CCDC93: variants seen among roughly 807,000 people sequenced by gnomAD.
The protein encoded by CCDC93 is CCC complex scaffolding subunit CCDC93.
A neutral mutation model predicts 108.2 loss-of-function variants in CCDC93; 61 were observed. The observed-to-expected ratio is 0.56, with a 90% CI of 0.46 to 0.70. The LOEUF is 0.70. Ranked by LOEUF, CCDC93 falls within the 30% of genes least tolerant of loss-of-function variation. The pLI, the probability that CCDC93 is intolerant of heterozygous loss-of-function variation, is 0.00. For missense variants in CCDC93, 685 were observed against 764.2 expected (o/e 0.90, Z 1.22); for synonymous variants, 276 against 260.4 (o/e 1.06, Z -0.58).
chr2:117,961,472 T>G (rs1679388143), intron 11 of CCDC93, among the ~76,000 whole-genome samples: 1 of 152,220 alleles, frequency 6.6e-6, no homozygotes, highest in Non-Finnish European at 1.5e-5. Context: ...CTGCTTTGTT[T>G]AATGGGAAGT....
At position 117,920,295 on chromosome 2, in the gene CCDC93, C is replaced by T. The variant is rs762393151; in HGVS notation, c.*48G>A. ...ATTTCATGATCTTGTAGGTGATATA[C>T]GGTGCTTAAAAGTAAAATCAATGAC... On this transcript the variant is annotated 3_prime_UTR_variant, in exon 24 of 24. Transcript: ENST00000376300. 71 of 1,323,346 alleles carry T rather than the reference C, an allele frequency of 5.4e-5. No individual in the cohort carries two copies. The highest frequency in any genetic ancestry group is 6.9e-5 in the East Asian group (3 of 43,166). The allele number at this position is 1,323,346 out of a possible 1,614,324, so 82.0% of individuals were successfully genotyped here. A position where few individuals can be genotyped will look rare whatever the true frequency, so the allele number is the denominator to read the frequency against.
chr2:117,924,739 G>C (rs1183748182), intron 23 of CCDC93, among the ~76,000 whole-genome samples: 1 of 152,156 alleles, frequency 6.6e-6, no homozygotes, highest in East Asian at 1.9e-4. Context: ...CCTCAATCTA[G>C]CAAGGCAGGC....
At chr2:118,008,739 C>G in intron 1 of CCDC93, 81 bp from the exon 2 acceptor site, 1 of 828,292 alleles carries the variant, frequency 1.2e-6, no homozygotes, top group South Asian at 1.5e-5. Flanking sequence ...ATGCCACAAG[C>G]TCATTGCCAA....
At chr2:117,929,983 G>A (rs1416375515) in intron 23 of CCDC93, among the ~76,000 whole-genome samples, 2 of 152,228 alleles carry the variant, frequency 1.3e-5, no homozygotes, top group Non-Finnish European at 2.9e-5. Context: ...CACAGCGTAT[G>A]CTCCTTAAGG....
intron 3 of CCDC93, among the ~76,000 whole-genome samples, chr2:118,006,514 A>G (rs1676873736): frequency 6.6e-6 from 1 of 152,214 alleles, no homozygotes; most frequent in Non-Finnish European, 1.5e-5. Flanking sequence ...TTTGAAAGAT[A>G]AACTAAGTAG....
In CCDC93 at chr2:117,986,160, C is replaced by T. The variant is rs375507699; in HGVS notation, c.520-91G>A. 2.8e-3 allele frequency: 771 copies of T among 276,074 alleles called. 1 individual carries two copies. Among genetic ancestry groups the T allele is most frequent in the South Asian group, 5.6e-3 (139 of 25,028 alleles). The allele number at this position is 276,074 out of a possible 1,614,324, so 17.1% of individuals were successfully genotyped here. On this transcript the variant is annotated intron_variant, in intron 6 of 23. Coordinates refer to ENST00000376300, the MANE Select transcript of CCDC93 (RefSeq NM_019044.5). ...TGCCTCCAGCCATGGGGTATATTCTCTTTTTTTTTTTTTTTTTTTTTTGAG... is the reference window on the plus strand; with the variant it reads ...TGCCTCCAGCCATGGGGTATATTCTTTTTTTTTTTTTTTTTTTTTTTTGAG...
intron 6 of CCDC93, among the ~76,000 whole-genome samples, chr2:117,993,193 G>A (rs755712698): frequency 1.3e-5 from 2 of 152,008 alleles, no homozygotes; most frequent in African/African-American, 4.8e-5. Flanking sequence ...TCAGGAGATC[G>A]AGACCATCCT....
intron 4 of CCDC93, chr2:117,999,544 C>T (rs1680769325): frequency 6.6e-6 from 1 of 152,192 alleles, no homozygotes; most frequent in South Asian, 2.1e-4. Flanking sequence ...CCCTTTGCTC[C>T]TCCTCTTTCT....
intron 11 of CCDC93, among the ~76,000 whole-genome samples, chr2:117,966,886 T>C (rs1679598873): frequency 6.6e-6 from 1 of 152,222 alleles, no homozygotes; most frequent in Non-Finnish European, 1.5e-5. Context: ...CCAAAACCCA[T>C]TAAGGAAAAA....
chr2:117,966,632 G>C (rs1457614570), intron 11 of CCDC93, among the ~76,000 whole-genome samples: 2 of 152,238 alleles, frequency 1.3e-5, no homozygotes, highest in African/African-American at 4.8e-5. Flanking sequence ...ATGGGGACAA[G>C]ATCTGCTCTA....
chr2:117,954,619 CTCTT>C (rs1679160645), intron 12 of CCDC93, among the ~76,000 whole-genome samples: 1 of 152,174 alleles, frequency 6.6e-6, no homozygotes, highest in Admixed American at 6.5e-5. Flanking sequence ...CTCTGGATTT[CTCTT>C]TCTTTCATCA....
chr2:118,006,916 T>C, intron 2 of CCDC93, 100 bp from the exon 3 acceptor site: 1 of 691,392 alleles, frequency 1.4e-6, no homozygotes, highest in Non-Finnish European at 2.6e-6. Context: ...ATAGACTCAG[T>C]AAACATACAA....
At chr2:117,929,781 G>A (rs937818871) in intron 23 of CCDC93, among the ~76,000 whole-genome samples, 13 of 152,138 alleles carry the variant, frequency 8.5e-5, no homozygotes, top group Non-Finnish European at 1.3e-4. Context: ...AGACTGAGCC[G>A]CAGACCCTCC....
intron 14 of CCDC93, among the ~76,000 whole-genome samples, chr2:117,948,794 C>A (rs1678957439): frequency 6.6e-6 from 1 of 152,192 alleles, no homozygotes; most frequent in East Asian, 1.9e-4. Context: ...CCCAAATAGT[C>A]TGAAGCTAAA....
At chr2:117,972,062 G>A (rs1171827342) in intron 11 of CCDC93, among the ~76,000 whole-genome samples, 4 of 152,116 alleles carry the variant, frequency 2.6e-5, no homozygotes, top group Non-Finnish European at 4.4e-5. Context: ...TCGGCTGTAC[G>A]GAACCCACAT....
chr2:117,997,275 G>T (rs1007411517), intron 4 of CCDC93: 2 of 152,220 alleles, frequency 1.3e-5, no homozygotes, highest in Non-Finnish European at 2.9e-5. Flanking sequence ...ACCTGCAGAA[G>T]ATCCACCCGC....
At chr2:117,954,476 T>C (rs149470847) in intron 12 of CCDC93, among the ~76,000 whole-genome samples, 1 of 152,326 alleles carries the variant, frequency 6.6e-6, no homozygotes, top group East Asian at 1.9e-4. Context: ...TTTTCTTAAA[T>C]AGGAAGTGTC....
chr2:117,954,302 G>T (rs1679151794), intron 12 of CCDC93, among the ~76,000 whole-genome samples: 1 of 152,146 alleles, frequency 6.6e-6, no homozygotes, highest in African/African-American at 2.4e-5. Flanking sequence ...CCCAAGGAAA[G>T]AGAGTTAGCT....
intron 11 of CCDC93, among the ~76,000 whole-genome samples, chr2:117,971,222 G>C (rs1460176353): frequency 6.6e-6 from 1 of 151,960 alleles, no homozygotes; most frequent in Admixed American, 6.6e-5. Flanking sequence ...ACTTAGCCAG[G>C]CATGGTGGTA....
Sources: gnomAD v4.1 joint callset for allele counts (sites outside exome capture counted in the v4.1 genomes callset) on GRCh38, gnomAD v4.1.1 for gene constraint, MANE v1.5 for transcripts, NCBI Gene and HGNC (gene_info 2026-07-23, HGNC 2026-07-21) for gene names.